Variants in NUMB observed in about 807,000 individuals in gnomAD.
NUMB encodes protein numb homolog.
In NUMB, 29 loss-of-function variants were observed where a neutral mutation model predicts 59.7. The observed-to-expected ratio is 0.49, with a 90% CI of 0.36 to 0.66. The LOEUF is 0.66. Ranked by LOEUF, NUMB falls within the 30% of genes least tolerant of loss-of-function variation. NUMB has a pLI of 0.00. For synonymous variants in NUMB, 288 were observed against 288.2 expected, an observed-to-expected ratio of 1.00 and a Z score of 0.01; for missense variants, 723 against 822.0, an observed-to-expected ratio of 0.88 and a Z score of 1.47.
intron 1 of NUMB, among the ~76,000 whole-genome samples, chr14:73,449,515 G>A (rs556067749): frequency 6.6e-6 from 1 of 151,998 alleles, no homozygotes; most frequent in African/African-American, 2.4e-5. Context: ...ATCAACTGCT[G>A]GTTGAATCCA....
chr14:73,430,850 C>T (rs1167811122), intron 1 of NUMB, among the ~76,000 whole-genome samples: 1 of 151,538 alleles, frequency 6.6e-6, no homozygotes. Context: ...AAGGCTGAGG[C>T]AGGAGAATGG....
intron 6 of NUMB, among the ~76,000 whole-genome samples, chr14:73,307,328 A>T (rs1419958316): frequency 7.1e-6 from 1 of 141,532 alleles, no homozygotes; most frequent in African/African-American, 2.6e-5. Context: ...AAAAAAAAAT[A>T]GCTAGGAATT....
intron 5 of NUMB, among the ~76,000 whole-genome samples, chr14:73,319,949 GTGAAACTC>G (rs1193242380): frequency 6.6e-6 from 1 of 152,116 alleles, no homozygotes; most frequent in Non-Finnish European, 1.5e-5. Context: ...GGCCAACACG[GTGAAACTC>G]TGTCTCTACT....
At chr14:73,289,106 C>A (rs565929052) in intron 8 of NUMB, among the ~76,000 whole-genome samples, 1 of 152,058 alleles carries the variant, frequency 6.6e-6, no homozygotes. Context: ...CTCTAAGCAA[C>A]CCTCCTCATT....
chr14:73,420,678 G>A (rs1897315119), intron 1 of NUMB, among the ~76,000 whole-genome samples: 2 of 152,102 alleles, frequency 1.3e-5, no homozygotes, highest in Admixed American at 6.6e-5. Flanking sequence ...AAATCAGCCA[G>A]GTGTCATGGC....
chr14:73,440,977 A>T (rs1883024884), intron 1 of NUMB, among the ~76,000 whole-genome samples: 1 of 151,852 alleles, frequency 6.6e-6, no homozygotes, highest in Admixed American at 6.6e-5. Flanking sequence ...TAAAATGAAA[A>T]AACTTTTGTG....
intron 1 of NUMB, among the ~76,000 whole-genome samples, chr14:73,452,945 T>A (rs1233076857): frequency 6.6e-6 from 1 of 152,104 alleles, no homozygotes; most frequent in Non-Finnish European, 1.5e-5. Flanking sequence ...GCAAATAGAA[T>A]CATCCTCCTT....
intron 6 of NUMB, among the ~76,000 whole-genome samples, chr14:73,311,999 T>C (rs937769158): frequency 7.9e-5 from 12 of 152,206 alleles, no homozygotes; most frequent in African/African-American, 2.9e-4. Flanking sequence ...TGGGTAATAC[T>C]TGCCCCTCTC....
intron 4 of NUMB, among the ~76,000 whole-genome samples, chr14:73,325,562 G>A (rs1433389457): frequency 6.6e-6 from 1 of 152,184 alleles, no homozygotes; most frequent in Non-Finnish European, 1.5e-5. Context: ...ATGCTTCTGG[G>A]TTGCAATACT....
At chr14:73,398,413 AGAGTGTGTGTGTGTGTGT>A (rs1384027260) in intron 2 of NUMB, among the ~76,000 whole-genome samples, 1 of 117,728 alleles carries the variant, frequency 8.5e-6, no homozygotes, top group Non-Finnish European at 1.6e-5. Flanking sequence ...AGAGAGAGAG[AGAGTGTGTGTGTGTGTGT>A]GTGTGTGTGT....
At position 73,353,072 on chromosome 14, in the gene NUMB, G is replaced by GTTTTTCTTTTTTTTTTTTTTTTTTTT. The variant is rs71450219; in HGVS notation, c.126+2553_126+2554insAAAAAAAAAAAAAAAAAAAAGAAAAA. 1.8e-3 allele frequency among the ~76,000 whole-genome samples: 103 copies of GTTTTTCTTTTTTTTTTTTTTTTTTTT among 58,522 alleles called. 32 individuals are homozygous for GTTTTTCTTTTTTTTTTTTTTTTTTTT. Among genetic ancestry groups the GTTTTTCTTTTTTTTTTTTTTTTTTTT allele is most frequent in the East Asian group, 3.1e-3 (5 of 1,596 alleles). The allele number at this position is 58,522 out of a possible 152,430, so 38.4% of individuals were successfully genotyped here. ...CTTAATGGATGCCACAGTTTTTCTT[G>GTTTTTCTTTTTTTTTTTTTTTTTTTT]TTTTTTTTTTTTTTTTTTTTTTTTT... On this transcript the variant is annotated intron_variant, in intron 4 of 12. Coordinates refer to ENST00000555238, the MANE Select transcript of NUMB (RefSeq NM_001005743.2).
Position 73,399,471 on chromosome 14 carries a change from G to C in NUMB, c.-101+10466C>G, listed in dbSNP as rs149466215. Among the ~76,000 whole-genome samples, 893 of 152,218 alleles carry C rather than the reference G, an allele frequency of 5.9e-3. 6 individuals carry two copies. The highest frequency in any genetic ancestry group is 0.011 in the Admixed American group (163 of 15,236). On this transcript the variant is annotated intron_variant, in intron 2 of 12. Transcript: ENST00000555238. ...TCTGCTACTTGGAAGGCTGAGGCAGGAGAATTGCTTGAACCCAGGACACAG... is the reference window on the plus strand; with the variant it reads ...TCTGCTACTTGGAAGGCTGAGGCAGCAGAATTGCTTGAACCCAGGACACAG...
Position 73,395,033 on chromosome 14 carries a change from GTGTT to G in NUMB, c.-101+14900_-101+14903del, listed in dbSNP as rs1408878609. Among the ~76,000 whole-genome samples the G allele has an allele frequency of 4.4e-3, 432 of 98,552 alleles. 7 individuals are homozygous for G. The highest frequency in any genetic ancestry group is 0.011 in the Middle Eastern group (2 of 176). 64.7% of individuals were successfully genotyped at this position (98,552 alleles called of 152,430 possible). Reference sequence around the variant, plus strand: ...TCCTTTAAGGTTGAATAGTATTCGTGTGTTTGTGTGTGTGTGTGTGTGTGTGTGT... The same window carrying G: ...TCCTTTAAGGTTGAATAGTATTCGTGTGTGTGTGTGTGTGTGTGTGTGTGT... On this transcript the variant is annotated intron_variant, in intron 2 of 12. Transcript: ENST00000555238.
chr14:73,417,168 T>C (rs1022803570), intron 1 of NUMB, among the ~76,000 whole-genome samples: 3 of 151,878 alleles, frequency 2.0e-5, no homozygotes, highest in African/African-American at 7.3e-5. Flanking sequence ...CAATAAAACC[T>C]CTGCATTCAC....
At chr14:73,417,559 A>G (rs1023983203) in intron 1 of NUMB, among the ~76,000 whole-genome samples, 1 of 152,112 alleles carries the variant, frequency 6.6e-6, no homozygotes, top group African/African-American at 2.4e-5. Context: ...CTCAAAAAAA[A>G]AAAAAGGTAT....
intron 3 of NUMB, among the ~76,000 whole-genome samples, chr14:73,361,682 T>A (rs1446649613): frequency 6.6e-6 from 1 of 152,114 alleles, no homozygotes; most frequent in African/African-American, 2.4e-5. Flanking sequence ...ATCATTTAGC[T>A]CCCATCAATT....
At chr14:73,431,263 T>G (rs1032553284) in intron 1 of NUMB, among the ~76,000 whole-genome samples, 3 of 150,472 alleles carry the variant, frequency 2.0e-5, no homozygotes, top group African/African-American at 7.3e-5. Context: ...CTTTTCTTTT[T>G]TTTTTTTTTT....
Position 73,276,992 on chromosome 14 carries a change from G to A in NUMB, c.1542C>T (p.Ala514=), listed in dbSNP as rs1301703029. The A allele has an allele frequency of 6.2e-7, 1 of 1,614,162 alleles. No homozygotes were observed. Among genetic ancestry groups the A allele is most frequent in the African/African-American group, 1.3e-5 (1 of 75,052 alleles). ...AFVPAQSYPV[A]NGMPYPAPNV... is the part of the protein sequence containing the mutation. ...TAGGGGCTGGATAGGGCATTCCATT[G>A]GCCACAGGATAGGACTGGGCAGGGA... Residue 514 remains alanine, a synonymous_variant, in exon 13 of 13, where the codon GCC becomes GCT. Coordinates refer to ENST00000555238, the MANE Select transcript of NUMB (RefSeq NM_001005743.2).
intron 1 of NUMB, among the ~76,000 whole-genome samples, chr14:73,437,755 CAA>C (rs1898119162): frequency 6.6e-6 from 1 of 152,052 alleles, no homozygotes; most frequent in Admixed American, 6.6e-5. Context: ...AGAGGGAGGG[CAA>C]AAGAACTTGG....
Sources: gnomAD v4.1 joint callset for allele counts (sites outside exome capture counted in the v4.1 genomes callset) on GRCh38, gnomAD v4.1.1 for gene constraint, MANE v1.5 for transcripts, NCBI Gene and HGNC (gene_info 2026-07-23, HGNC 2026-07-21) for gene names.